Variants in KCNQ5 observed in about 807,000 individuals in gnomAD.
The protein encoded by KCNQ5 is potassium voltage-gated channel subfamily KQT member 5.
In KCNQ5, 30 loss-of-function variants were observed where a neutral mutation model predicts 98.2. That is an observed-to-expected ratio of 0.31 (90% confidence interval 0.23 to 0.41). The LOEUF (loss-of-function observed/expected upper bound fraction) is 0.41, where lower values mean the gene tolerates loss of function less well. Among genes scored for constraint, KCNQ5 ranks in the 10% least tolerant of loss-of-function variants. The pLI is 1.00. For missense variants in KCNQ5, 835 were observed against 1,182.5 expected (o/e 0.71, Z 4.31); for synonymous variants, 458 against 449.4 (o/e 1.02, Z -0.24).
chr6:72,903,393 T>C (rs1419653175), intron 1 of KCNQ5, among the ~76,000 whole-genome samples: 2 of 152,200 alleles, frequency 1.3e-5, no homozygotes, highest in Non-Finnish European at 2.9e-5. Context: ...TTTGTTCTTG[T>C]TTCTCTAGTT....
intron 1 of KCNQ5, among the ~76,000 whole-genome samples, chr6:72,851,411 A>C (rs1386142843): frequency 1.3e-5 from 2 of 152,168 alleles, no homozygotes; most frequent in Admixed American, 1.3e-4. Flanking sequence ...TTAATCTGGG[A>C]CCAGCTCAAC....
intron 1 of KCNQ5, among the ~76,000 whole-genome samples, chr6:72,963,445 T>C (rs1767466923): frequency 6.6e-6 from 1 of 152,210 alleles, no homozygotes; most frequent in Admixed American, 6.5e-5. Context: ...TTTATTTTAA[T>C]TTATGACTAT....
chr6:72,852,560 GT>G (rs1468355425), intron 1 of KCNQ5, among the ~76,000 whole-genome samples: 1 of 146,284 alleles, frequency 6.8e-6, no homozygotes, highest in Non-Finnish European at 1.5e-5. Flanking sequence ...GCAAAAAAAA[GT>G]GGATCTCGTG....
intron 1 of KCNQ5, among the ~76,000 whole-genome samples, chr6:72,826,624 TGATA>T (rs1336502780): frequency 2.0e-5 from 3 of 152,262 alleles, no homozygotes; most frequent in Non-Finnish European, 2.9e-5. Context: ...CATTTTCATG[TGATA>T]GATAGTGATG....
At chr6:72,896,092 CAA>C (rs1779241701) in intron 1 of KCNQ5, among the ~76,000 whole-genome samples, 1 of 152,076 alleles carries the variant, frequency 6.6e-6, no homozygotes, top group African/African-American at 2.4e-5. Flanking sequence ...TAAATTATAA[CAA>C]AGTTATGTAC....
At chr6:73,174,377 A>T (rs1778132378) in intron 11 of KCNQ5, among the ~76,000 whole-genome samples, 1 of 152,206 alleles carries the variant, frequency 6.6e-6, no homozygotes, top group Admixed American at 6.5e-5. Flanking sequence ...CCACTGATGC[A>T]GATTATTCAT....
intron 1 of KCNQ5, among the ~76,000 whole-genome samples, chr6:72,669,555 G>T (rs528313634): frequency 4.6e-5 from 7 of 152,298 alleles, no homozygotes; most frequent in African/African-American, 1.4e-4. Context: ...TTACCCACCT[G>T]TCTTCCCCTC....
At chr6:72,793,835 A>G (rs149387089) in intron 1 of KCNQ5, among the ~76,000 whole-genome samples, 53 of 152,356 alleles carry the variant, frequency 3.5e-4, no homozygotes, top group African/African-American at 1.3e-3. Context: ...TTTCAAATGC[A>G]TGATCTCATT....
intron 1 of KCNQ5, among the ~76,000 whole-genome samples, chr6:72,658,578 A>ATATATTTTTT (rs1226386362): frequency 1.3e-5 from 1 of 76,380 alleles, no homozygotes; most frequent in African/African-American, 4.4e-5. Context: ...ATATATATAT[A>ATATATTTTTT]TTTTTTTTTT....
chr6:72,855,254 G>A (rs1010481012), intron 1 of KCNQ5, among the ~76,000 whole-genome samples: 5 of 151,092 alleles, frequency 3.3e-5, no homozygotes, highest in African/African-American at 9.7e-5. Flanking sequence ...AAATTTAAAC[G>A]TTTATATCTA....
At chr6:72,947,600 T>C (rs75822360) in intron 1 of KCNQ5, among the ~76,000 whole-genome samples, 1 of 152,162 alleles carries the variant, frequency 6.6e-6, no homozygotes, top group Admixed American at 6.5e-5. Flanking sequence ...CTGATAGATA[T>C]AATTGACTGC....
In KCNQ5 at chr6:72,623,424, G is replaced by GTGTGTA. The variant is rs2098916549; in HGVS notation, c.398+840_398+841insGTATGT. Among the ~76,000 whole-genome samples, 2 of 151,922 alleles carry GTGTGTA rather than the reference G, an allele frequency of 1.3e-5. 1 individual carries two copies. Among genetic ancestry groups the GTGTGTA allele is most frequent in the South Asian group, 4.2e-4 (2 of 4,804 alleles). ...TGTGTGTGTGTGTGTGTGTGTGTGTGTGTAGTAAGCCTTCTCCATCTAGCA... is the reference window on the plus strand; with the variant it reads ...TGTGTGTGTGTGTGTGTGTGTGTGTGTGTGTATGTAGTAAGCCTTCTCCATCTAGCA... On this transcript the variant is annotated intron_variant, in intron 1 of 13. Transcript: ENST00000370398.
At chr6:72,987,128 A>G (rs1220329137) in intron 1 of KCNQ5, 14 of 660,568 alleles carry the variant, frequency 2.1e-5, no homozygotes, top group African/African-American at 1.8e-5. Context: ...TCCCCAAAGG[A>G]GATGGCCCTA....
At chr6:72,656,071 G>A (rs1766181682) in intron 1 of KCNQ5, among the ~76,000 whole-genome samples, 1 of 152,158 alleles carries the variant, frequency 6.6e-6, no homozygotes, top group Non-Finnish European at 1.5e-5. Flanking sequence ...TATTGGCACA[G>A]GTGATTCTCA....
At chr6:72,650,958 C>A (rs995049034) in intron 1 of KCNQ5, among the ~76,000 whole-genome samples, 5 of 151,980 alleles carry the variant, frequency 3.3e-5, no homozygotes, top group Admixed American at 2.6e-4. Flanking sequence ...TGCAAAGGGT[C>A]AGCCTATTTT....
chr6:72,800,891 GTCAT>G (rs1774611476), intron 1 of KCNQ5, among the ~76,000 whole-genome samples: 1 of 152,072 alleles, frequency 6.6e-6, no homozygotes, highest in African/African-American at 2.4e-5. Context: ...GTACCCAGTA[GTCAT>G]TCAGGAGCAG....
intron 7 of KCNQ5, among the ~76,000 whole-genome samples, chr6:73,119,667 T>C (rs1002609544): frequency 6.6e-6 from 1 of 152,190 alleles, no homozygotes; most frequent in Non-Finnish European, 1.5e-5. Flanking sequence ...ATCACTAGCA[T>C]ACCCTGGTGT....
intron 1 of KCNQ5, among the ~76,000 whole-genome samples, chr6:72,683,857 G>A (rs1222282828): frequency 6.6e-6 from 1 of 151,486 alleles, no homozygotes; most frequent in Non-Finnish European, 1.5e-5. Context: ...ATTGTCTGGA[G>A]CTTATAATTT....
chr6:73,095,792 C>T (rs988827313), intron 5 of KCNQ5, among the ~76,000 whole-genome samples: 5 of 152,058 alleles, frequency 3.3e-5, no homozygotes, highest in African/African-American at 1.2e-4. Context: ...GTTTCTCAGC[C>T]GTGGATGCTA....
Sources: allele counts gnomAD v4.1 joint callset (sites outside exome capture counted in the v4.1 genomes callset), GRCh38; gene constraint gnomAD v4.1.1; transcripts MANE v1.5; gene names NCBI Gene and HGNC (gene_info 2026-07-23, HGNC 2026-07-21).